Variants in CLVS1 observed in about 807,000 individuals in gnomAD.
The protein encoded by CLVS1 is clavesin-1.
A neutral mutation model predicts 33.1 loss-of-function variants in CLVS1; 10 were observed. The observed-to-expected ratio is 0.30, with a 90% CI of 0.19 to 0.51. The LOEUF (loss-of-function observed/expected upper bound fraction) is 0.51. Ranked by LOEUF, CLVS1 falls within the 20% of genes least tolerant of loss-of-function variation. The pLI, the probability that CLVS1 is intolerant of heterozygous loss-of-function variation, is 0.97. For missense variants in CLVS1, 343 were observed against 433.4 expected, an observed-to-expected ratio of 0.79 and a Z score of 1.85; for synonymous variants, 163 against 166.1, an observed-to-expected ratio of 0.98 and a Z score of 0.14.
chr8:61,395,560 A>G (rs183882768), intron 3 of CLVS1, among the ~76,000 whole-genome samples: 1 of 152,368 alleles, frequency 6.6e-6, no homozygotes, highest in Non-Finnish European at 1.5e-5. Flanking sequence ...CAAAAATAAC[A>G]TATTACCCCA....
At chr8:61,240,230 T>C (rs1808662864) in intron 2 of CLVS1, among the ~76,000 whole-genome samples, 1 of 152,222 alleles carries the variant, frequency 6.6e-6, no homozygotes, top group African/African-American at 2.4e-5. Flanking sequence ...ACTCCCTGCA[T>C]GCATCACTAG....
intron 3 of CLVS1, among the ~76,000 whole-genome samples, chr8:61,413,834 G>A (rs560254414): frequency 1.3e-5 from 2 of 152,310 alleles, no homozygotes; most frequent in African/African-American, 2.4e-5. Flanking sequence ...CTAAGGATAC[G>A]TTCAAGGTAC....
intron 2 of CLVS1, among the ~76,000 whole-genome samples, chr8:61,199,781 CTTTG>C (rs1807689991): frequency 1.3e-5 from 2 of 152,196 alleles, no homozygotes; most frequent in Non-Finnish European, 2.9e-5. Context: ...CCCAAAGGGG[CTTTG>C]TCTCATCCCA....
intron 2 of CLVS1, among the ~76,000 whole-genome samples, chr8:61,255,435 A>G (rs1005508747): frequency 1.7e-4 from 26 of 152,242 alleles, no homozygotes; most frequent in Non-Finnish European, 2.9e-4. Flanking sequence ...TTATAGCAGG[A>G]AACACTACAG....
At chr8:61,084,175 T>C (rs1365083066) in intron 1 of CLVS1, among the ~76,000 whole-genome samples, 1 of 152,250 alleles carries the variant, frequency 6.6e-6, no homozygotes, top group Non-Finnish European at 1.5e-5. Flanking sequence ...TTTCAAGGAT[T>C]GAAGACTATA....
chr8:61,068,228 T>TATATA (rs1563390794), intron 1 of CLVS1, among the ~76,000 whole-genome samples: 1 of 52,636 alleles, frequency 1.9e-5, no homozygotes, highest in African/African-American at 1.9e-4. Flanking sequence ...TGTATGTATG[T>TATATA]GTATATATAT....
the CLVS1 span, among the ~76,000 whole-genome samples, chr8:61,011,371 A>G: frequency 6.6e-6 from 1 of 152,188 alleles, no homozygotes; most frequent in African/African-American, 2.4e-5. Context: ...AAATTTTTCT[A>G]ATGATGGGGT....
intron 1 of CLVS1, among the ~76,000 whole-genome samples, chr8:61,062,913 A>C (rs1804606545): frequency 6.6e-6 from 1 of 152,176 alleles, no homozygotes; most frequent in Non-Finnish European, 1.5e-5. Flanking sequence ...TTATTATGTG[A>C]TTGCTATGCA....
chr8:61,444,247 T>A (rs1212099994), intron 3 of CLVS1, among the ~76,000 whole-genome samples: 1 of 152,326 alleles, frequency 6.6e-6, no homozygotes, highest in East Asian at 1.9e-4. Context: ...TTGCTGTAAC[T>A]GGAGCTTCCA....
intron 2 of CLVS1, among the ~76,000 whole-genome samples, chr8:61,184,253 A>C (rs1253411672): frequency 6.6e-6 from 1 of 152,190 alleles, no homozygotes; most frequent in Non-Finnish European, 1.5e-5. Context: ...CACCCAACCG[A>C]GGCATTGGAA....
At position 61,480,563 on chromosome 8, in the gene CLVS1, C is replaced by T. The variant is rs140498640; in HGVS notation, c.978-18892C>T. Among the ~76,000 whole-genome samples, 886 of 150,634 alleles carry T rather than the reference C, an allele frequency of 5.9e-3. 6 individuals are homozygous for T. Among genetic ancestry groups the T allele is most frequent in the Non-Finnish European group, 9.0e-3 (605 of 66,936 alleles). On this transcript the variant is annotated intron_variant, in intron 5 of 5. Transcript: ENST00000325897. Reference sequence around the variant, plus strand: ...GGTGATGCCTCACCCTGCTTTGGCTCATGCATGGTGTGCTGCACCCACTGT... The same window carrying T: ...GGTGATGCCTCACCCTGCTTTGGCTTATGCATGGTGTGCTGCACCCACTGT...
intron 2 of CLVS1, 50 bp downstream of exon 2, chr8:61,300,332 T>TCA (rs1347164059): frequency 6.8e-7 from 1 of 1,464,632 alleles, no homozygotes; most frequent in Non-Finnish European, 9.3e-7. Flanking sequence ...ATAAGCATTA[T>TCA]CACTGCATGT....
chr8:61,501,461 G>GT lies in CLVS1; in HGVS notation c.*1920dup, dbSNP rs1804923328. Reference sequence around the variant, plus strand: ...TCTTCCATAATTTCATTACATGAATGTAAGATGATGGCTCAAAAATGACGA... The same window carrying GT: ...TCTTCCATAATTTCATTACATGAATGTTAAGATGATGGCTCAAAAATGACGA... On this transcript the variant is annotated 3_prime_UTR_variant, in exon 6 of 6. Transcript: ENST00000325897. The GT allele has an allele frequency of 6.6e-6, 1 of 152,108 alleles. No homozygotes were observed. Among genetic ancestry groups the GT allele is most frequent in the Non-Finnish European group, 1.5e-5 (1 of 68,018 alleles). The allele number at this position is 152,108 out of a possible 1,614,324, so 9.4% of individuals were successfully genotyped here.
At chr8:61,075,386 C>A (rs373869170) in intron 1 of CLVS1, among the ~76,000 whole-genome samples, 4 of 152,172 alleles carry the variant, frequency 2.6e-5, no homozygotes, top group African/African-American at 7.2e-5. Flanking sequence ...GGATAAAAAA[C>A]CATAAGCACC....
chr8:61,030,709 T>C, the CLVS1 span, among the ~76,000 whole-genome samples: 3 of 152,352 alleles, frequency 2.0e-5, no homozygotes, highest in East Asian at 5.8e-4. Context: ...CCATATTATG[T>C]GCCAGGCATC....
At chr8:61,157,691 T>A (rs1806677283) in intron 2 of CLVS1, among the ~76,000 whole-genome samples, 1 of 151,488 alleles carries the variant, frequency 6.6e-6, no homozygotes, top group African/African-American at 2.4e-5. Flanking sequence ...AAAGAACTCC[T>A]ACAACTCAAT....
chr8:60,974,242 C>G, the CLVS1 span, among the ~76,000 whole-genome samples: 1 of 152,112 alleles, frequency 6.6e-6, no homozygotes, highest in Non-Finnish European at 1.5e-5. Context: ...CTCCCCAAGT[C>G]CCCTGCCTCC....
intron 3 of CLVS1, among the ~76,000 whole-genome samples, chr8:61,435,413 C>T (rs1237701007): frequency 6.6e-6 from 1 of 152,070 alleles, no homozygotes; most frequent in East Asian, 1.9e-4. Context: ...TAAAAAATCT[C>T]CTTAGGGCCA....
chr8:60,989,274 G>A, the CLVS1 span, among the ~76,000 whole-genome samples: 2 of 152,042 alleles, frequency 1.3e-5, no homozygotes, highest in African/African-American at 2.4e-5. Flanking sequence ...TCCACCTCCC[G>A]GGTTCAAGCG....
Sources: gnomAD v4.1 joint callset for allele counts (sites outside exome capture counted in the v4.1 genomes callset) on GRCh38, gnomAD v4.1.1 for gene constraint, MANE v1.5 for transcripts, NCBI Gene and HGNC (gene_info 2026-07-23, HGNC 2026-07-21) for gene names.